The following NRG1 variants were observed in gnomAD, a reference collection of about 807,000 sequenced individuals.
NRG1 encodes the protein pro-neuregulin-1, membrane-bound isoform.
NRG1 carries 18 observed loss-of-function variants against 63.8 expected under a neutral mutation model. The ratio of observed to expected loss-of-function variants is 0.28; its 90% CI spans 0.19 to 0.42. The LOEUF (loss-of-function observed/expected upper bound fraction) is 0.42, where lower values mean the gene tolerates loss of function less well. NRG1 is among the 10% of genes least tolerant of loss of function. NRG1 has a pLI of 1.00. For synonymous variants in NRG1, 302 were observed against 301.3 expected, an observed-to-expected ratio of 1.00 and a Z score of -0.02; for missense variants, 762 against 814.7, an observed-to-expected ratio of 0.94 and a Z score of 0.79.
chr8:32,080,645 G>T (rs1168566719), intron 1 of NRG1, among the ~76,000 whole-genome samples: 1 of 152,002 alleles, frequency 6.6e-6, no homozygotes, highest in Non-Finnish European at 1.5e-5. Context: ...CAACTGTAGC[G>T]GCAAAGTTCT....
chr8:32,228,933 A>C (rs559390762), intron 1 of NRG1, among the ~76,000 whole-genome samples: 2 of 152,308 alleles, frequency 1.3e-5, no homozygotes, highest in East Asian at 3.9e-4. Flanking sequence ...AAATACCTAC[A>C]AAGAAGTGTA....
chr8:32,261,442 G>A lies in NRG1; in HGVS notation c.38-334386G>A, dbSNP rs534409462. On this transcript the variant is annotated intron_variant, in intron 1 of 10. Transcript: ENST00000519301. Reference sequence around the variant, plus strand: ...ATAAAACTAGAAGGGCAATGAATTCGAAACGGAGGCTTTTCTTACTAGCCT... The same window carrying A: ...ATAAAACTAGAAGGGCAATGAATTCAAAACGGAGGCTTTTCTTACTAGCCT... Among the ~76,000 whole-genome samples the A allele has an allele frequency of 5.3e-5, 8 of 151,658 alleles. 1 individual carries two copies. The highest frequency in any genetic ancestry group is 1.4e-4 in the African/African-American group (6 of 41,396).
chr8:32,364,132 A>C (rs963856782), intron 1 of NRG1, among the ~76,000 whole-genome samples: 3 of 136,396 alleles, frequency 2.2e-5, no homozygotes, highest in Non-Finnish European at 4.5e-5. Context: ...ATGATCATAT[A>C]ATACACAAAT....
chr8:32,506,311 C>A (rs1272647171), intron 1 of NRG1, among the ~76,000 whole-genome samples: 1 of 152,068 alleles, frequency 6.6e-6, no homozygotes, highest in East Asian at 1.9e-4. Flanking sequence ...AAGTCAAGTT[C>A]TCGGGACAGA....
rs192612949 is a variant in NRG1 at position 31,746,318 on chromosome 8, C to T, written c.37+106887C>T. Among the ~76,000 whole-genome samples the T allele has an allele frequency of 9.9e-5, 15 of 151,944 alleles. 1 individual carries two copies. Among genetic ancestry groups the T allele is most frequent in the Admixed American group, 5.3e-4 (8 of 15,226 alleles). Reference sequence around the variant, plus strand: ...TTTGCTTTGAGAGTATGTGAACAACCGAATTTTCTTAGTTAAATTTATTAA... The same window carrying T: ...TTTGCTTTGAGAGTATGTGAACAACTGAATTTTCTTAGTTAAATTTATTAA... On this transcript the variant is annotated intron_variant, in intron 1 of 10. Transcript: ENST00000519301.
At position 32,463,016 on chromosome 8, in the gene NRG1, A is replaced by AT. The variant is rs879910201; in HGVS notation, c.38-132797dup. On this transcript the variant is annotated intron_variant, in intron 1 of 10. Transcript: ENST00000519301. ...TCTACTCTCTGTTTCTATGTATTTG[A>AT]TTTTTTTTTTTTTTTAAGATTCTAC... Among the ~76,000 whole-genome samples the AT allele has an allele frequency of 2.0e-3, 273 of 136,964 alleles. 1 individual carries two copies. Among genetic ancestry groups the AT allele is most frequent in the Middle Eastern group, 0.016 (4 of 258 alleles). 89.9% of individuals were successfully genotyped at this position (136,964 alleles called of 152,430 possible).
intron 1 of NRG1, among the ~76,000 whole-genome samples, chr8:32,324,505 T>G (rs1801777324): frequency 6.6e-6 from 1 of 152,158 alleles, no homozygotes; most frequent in South Asian, 2.1e-4. Flanking sequence ...GGGTGGAGGC[T>G]TCTAACTAAT....
intron 1 of NRG1, among the ~76,000 whole-genome samples, chr8:32,289,862 T>C (rs1014731841): frequency 2.6e-5 from 4 of 152,222 alleles, no homozygotes; most frequent in African/African-American, 9.6e-5. Flanking sequence ...TTAAATCATT[T>C]ACTCGATTTA....
At chr8:31,712,967 CTCTG>C (rs964553054) in intron 1 of NRG1, among the ~76,000 whole-genome samples, 2 of 149,606 alleles carry the variant, frequency 1.3e-5, no homozygotes, top group Non-Finnish European at 3.0e-5. Context: ...TCAGTCATCT[CTCTG>C]TCCATCCATC....
rs553841232 is a variant in NRG1, at chr8:31,807,843, T to C, written c.37+168412T>C. Reference sequence around the variant, plus strand: ...TATGAGTAGAATTATGCAGTATTTGTTTTTCTGTGACTAACTTATTTCACT... The same window carrying C: ...TATGAGTAGAATTATGCAGTATTTGCTTTTCTGTGACTAACTTATTTCACT... On this transcript the variant is annotated intron_variant, in intron 1 of 10. Transcript: ENST00000519301. Among the ~76,000 whole-genome samples, 6 of 152,244 alleles carry C rather than the reference T, an allele frequency of 3.9e-5. No homozygotes were observed. In the East Asian group the frequency reaches 7.7e-4, roughly 20 times the overall value.
In NRG1 at chr8:32,756,529, T is replaced by A. The variant is rs1416434305; in HGVS notation, c.921T>A (p.Asn307Lys). Reference sequence around the variant, plus strand: ...CCCCCGAGAATGTCCAGCTGGTGAATGTACGTTGACTCTGGCCAGTGGAAA... The same window carrying A: ...CCCCCGAGAATGTCCAGCTGGTGAAAGTACGTTGACTCTGGCCAGTGGAAA... Residue 307 changes from asparagine to lysine, a missense_variant and splice_region_variant, in exon 9 of 12, where the codon AAT (asparagine) becomes AAA (lysine). Asn to Lys is a moderately conservative substitution (Grantham distance 94, BLOSUM62 0). This residue lies in a region of NRG1 where 503 missense variants were observed against 506.8 expected (regional missense o/e 0.99). Coordinates refer to ENST00000356819, the Ensembl canonical transcript of NRG1. 9.3e-6 allele frequency: 15 copies of A among 1,610,678 alleles called. 1 individual carries two copies. Among genetic ancestry groups the A allele is most frequent in the Non-Finnish European group, 1.3e-5 (15 of 1,178,612 alleles).
At chr8:32,548,248 A>G, upstream of NRG1, 1 of 985,470 alleles carries the variant, frequency 1.0e-6, no homozygotes, top group African/African-American at 1.7e-5. Context: ...CCTGCCTCCA[A>G]CCTGCGGGCG....
chr8:31,676,469 C>T (rs377550421), intron 1 of NRG1, among the ~76,000 whole-genome samples: 1 of 152,288 alleles, frequency 6.6e-6, no homozygotes, highest in African/African-American at 2.4e-5. Flanking sequence ...TTTTCCATTT[C>T]ATTCCCTATG....
intron 1 of NRG1, among the ~76,000 whole-genome samples, chr8:32,193,848 T>TG (rs1188502230): frequency 4.6e-5 from 7 of 152,182 alleles, no homozygotes; most frequent in Admixed American, 4.6e-4. Context: ...CAGGGAAGAA[T>TG]GCCATGTGAT....
At chr8:32,406,712 C>T (rs1360476031) in intron 1 of NRG1, among the ~76,000 whole-genome samples, 2 of 151,496 alleles carry the variant, frequency 1.3e-5, no homozygotes, top group African/African-American at 4.9e-5. Flanking sequence ...TTCTCTTCGT[C>T]CTTTTTTTTT....
intron 1 of NRG1, among the ~76,000 whole-genome samples, chr8:31,799,211 G>A (rs943140551): frequency 6.6e-6 from 1 of 152,060 alleles, no homozygotes; most frequent in African/African-American, 2.4e-5. Flanking sequence ...ATTCAATAGT[G>A]TCCATGTATC....
chr8:31,873,175 G>T (rs1829634799), intron 1 of NRG1, among the ~76,000 whole-genome samples: 2 of 152,174 alleles, frequency 1.3e-5, no homozygotes, highest in South Asian at 2.1e-4. Flanking sequence ...TGCAAGAATA[G>T]AATCAGATGT....
rs1803708373 is a variant in NRG1 at position 31,640,946 on chromosome 8, G to A, written c.37+1515G>A. On this transcript the variant is annotated intron_variant, in intron 1 of 10. Transcript: ENST00000519301. The surrounding 1 kb of genome is among the most constrained non-coding windows in gnomAD (Gnocchi z 6.3). Reference sequence around the variant, plus strand: ...GGCTTTGCCACTGGAGAAAGCCCAAGTTTAGTCCTGGGTTGGGGCCTCCTG... The same window carrying A: ...GGCTTTGCCACTGGAGAAAGCCCAAATTTAGTCCTGGGTTGGGGCCTCCTG... Among the ~76,000 whole-genome samples, 1 of 152,200 alleles carries A rather than the reference G, an allele frequency of 6.6e-6. No homozygotes were observed. Among genetic ancestry groups the A allele is most frequent in the Non-Finnish European group, 1.5e-5 (1 of 68,034 alleles).
At chr8:31,992,335 A>T (rs1368545116) in intron 1 of NRG1, among the ~76,000 whole-genome samples, 1 of 152,034 alleles carries the variant, frequency 6.6e-6, no homozygotes, top group East Asian at 1.9e-4. Flanking sequence ...AAGAGCAGAA[A>T]TGTCTGATGT....
Sources: gnomAD v4.1 joint callset for allele counts (sites outside exome capture counted in the v4.1 genomes callset) on GRCh38, gnomAD v4.1.1 for gene constraint, gnomAD v4.1.1 regional missense constraint, Gnocchi (gnomAD v3.1) non-coding constraint, MANE v1.5 for transcripts, NCBI Gene and HGNC (gene_info 2026-07-23, HGNC 2026-07-21) for gene names.